Variants in LPP observed in about 807,000 individuals in gnomAD.
The protein encoded by LPP is LIM domain containing preferred translocation partner in lipoma.
A neutral mutation model predicts 60.4 loss-of-function variants in LPP; 38 were observed. That is an observed-to-expected ratio of 0.63 (90% CI 0.49 to 0.83). The LOEUF is 0.83. Ranked by LOEUF, LPP falls within the 40% of genes least tolerant of loss-of-function variation. LPP has a pLI of 0.00. For synonymous variants in LPP, 328 were observed against 290.8 expected, an observed-to-expected ratio of 1.13 and a Z score of -1.30; for missense variants, 902 against 783.6, an observed-to-expected ratio of 1.15 and a Z score of -1.80.
At chr3:188,300,356 T>C (rs1176090240) in intron 2 of LPP, among the ~76,000 whole-genome samples, 1 of 152,132 alleles carries the variant, frequency 6.6e-6, no homozygotes, top group African/African-American at 2.4e-5. Context: ...CATTTTGAGA[T>C]TTTGTGACGA....
intron 2 of LPP, among the ~76,000 whole-genome samples, chr3:188,265,861 G>T (rs1735316697): frequency 7.2e-6 from 1 of 139,802 alleles, no homozygotes; most frequent in Non-Finnish European, 1.5e-5. Context: ...GCTGTGATAG[G>T]ATTACTCTGG....
Position 188,874,645 on chromosome 3 carries a change from C to A in LPP, c.*166C>A. The A allele has an allele frequency of 1.4e-6, 1 of 733,862 alleles. No individual in the cohort carries two copies. The highest frequency in any genetic ancestry group is 2.1e-6 in the Non-Finnish European group (1 of 472,220). The allele number at this position is 733,862 out of a possible 1,614,324, so 45.5% of individuals were successfully genotyped here. On this transcript the variant is annotated 3_prime_UTR_variant, in exon 12 of 12. Transcript: ENST00000617246. ...TGAGATTTTTTTTAAAAGTTGTTAC[C>A]AAATACACATTTCACATTGAATCAT...
At chr3:188,221,978 T>C (rs77052552) in intron 1 of LPP, among the ~76,000 whole-genome samples, 1,807 of 152,300 alleles carry the variant, frequency 0.012, 36 homozygotes, top group African/African-American at 0.041. Flanking sequence ...GCTTTACCAC[T>C]TACTAGCCTA....
chr3:188,484,350 A>G (rs1181319754), intron 4 of LPP, among the ~76,000 whole-genome samples: 1 of 152,176 alleles, frequency 6.6e-6, no homozygotes, highest in African/African-American at 2.4e-5. Context: ...TTTGCTTAAT[A>G]TATTGACCCC....
intron 9 of LPP, among the ~76,000 whole-genome samples, chr3:188,802,516 C>T (rs1479346123): frequency 6.6e-6 from 1 of 152,180 alleles, no homozygotes; most frequent in South Asian, 2.1e-4. Context: ...GGCACGGTGG[C>T]TCACGCCTGT....
At chr3:188,776,669 A>G (rs1737905800) in intron 9 of LPP, among the ~76,000 whole-genome samples, 1 of 152,204 alleles carries the variant, frequency 6.6e-6, no homozygotes, top group Non-Finnish European at 1.5e-5. Flanking sequence ...CTATTCTGAT[A>G]AGGTGAATAC....
chr3:188,354,821 G>GCA (rs760998735), intron 3 of LPP, among the ~76,000 whole-genome samples: 15 of 49,316 alleles, frequency 3.0e-4, no homozygotes, highest in African/African-American at 4.6e-4. Flanking sequence ...GCGCGTGCGC[G>GCA]CACACACACA....
At chr3:188,193,194 C>T (rs1009418780) in intron 1 of LPP, among the ~76,000 whole-genome samples, 1 of 152,122 alleles carries the variant, frequency 6.6e-6, no homozygotes, top group Admixed American at 6.6e-5. Context: ...GTTTGTGTGT[C>T]TTTCATGTTT....
At chr3:188,429,416 C>T (rs894920063) in intron 4 of LPP, among the ~76,000 whole-genome samples, 1 of 152,152 alleles carries the variant, frequency 6.6e-6, no homozygotes, top group Non-Finnish European at 1.5e-5. Flanking sequence ...TAGAAGGACA[C>T]GAGGCTTAAT....
At chr3:188,184,768 C>G (rs1320495104) in intron 1 of LPP, among the ~76,000 whole-genome samples, 1 of 150,246 alleles carries the variant, frequency 6.7e-6, no homozygotes, top group African/African-American at 2.5e-5. Flanking sequence ...ATTGAGGCCA[C>G]TGTGACTGGA....
chr3:188,247,546 G>A (rs541985204), intron 2 of LPP, among the ~76,000 whole-genome samples: 34 of 152,244 alleles, frequency 2.2e-4, no homozygotes, highest in African/African-American at 3.6e-4. Flanking sequence ...GCTCATGCCT[G>A]TAATCCCAGC....
At chr3:188,806,994 C>A (rs938402816) in intron 9 of LPP, among the ~76,000 whole-genome samples, 1 of 151,522 alleles carries the variant, frequency 6.6e-6, no homozygotes, top group East Asian at 1.9e-4. Context: ...TGTATAAATC[C>A]ACCTTTGTGT....
At chr3:188,704,498 T>G (rs1865094822) in intron 7 of LPP, among the ~76,000 whole-genome samples, 1 of 152,172 alleles carries the variant, frequency 6.6e-6, no homozygotes, top group Admixed American at 6.5e-5. Flanking sequence ...TTAATGATAC[T>G]GCCGTATAAT....
At chr3:188,538,896 G>A (rs961426486) in intron 6 of LPP, among the ~76,000 whole-genome samples, 3 of 152,074 alleles carry the variant, frequency 2.0e-5, no homozygotes, top group African/African-American at 7.2e-5. Context: ...ATGAACCTGG[G>A]AAACATTATG....
intron 3 of LPP, among the ~76,000 whole-genome samples, chr3:188,367,658 T>G (rs1056892315): frequency 1.3e-5 from 2 of 152,198 alleles, no homozygotes; most frequent in African/African-American, 4.8e-5. Context: ...ATGGCAGCCT[T>G]TTCTAAAATG....
At chr3:188,751,037 G>C (rs1727908806) in intron 8 of LPP, among the ~76,000 whole-genome samples, 1 of 152,138 alleles carries the variant, frequency 6.6e-6, no homozygotes, top group Admixed American at 6.5e-5. Context: ...AAATATTATT[G>C]AGGGATCAAA....
intron 8 of LPP, among the ~76,000 whole-genome samples, chr3:188,753,040 T>C (rs909730488): frequency 3.9e-5 from 6 of 152,208 alleles, no homozygotes; most frequent in Non-Finnish European, 5.9e-5. Context: ...AATACTGATA[T>C]AGGTCAGAGT....
At chr3:188,581,785 C>A (rs1230714480) in intron 6 of LPP, among the ~76,000 whole-genome samples, 4 of 152,110 alleles carry the variant, frequency 2.6e-5, no homozygotes. Flanking sequence ...ATTCTTCCAG[C>A]ACTCTCTCTC....
intron 1 of LPP, among the ~76,000 whole-genome samples, chr3:188,203,533 A>ATATTTAAATATATATATATT (rs1214081681): frequency 1.1e-5 from 1 of 91,164 alleles, no homozygotes; most frequent in Non-Finnish European, 1.9e-5. Context: ...ATAAATATAT[A>ATATTTAAATATATATATATT]TTTAAATATA....
Sources: allele counts gnomAD v4.1 joint callset (sites outside exome capture counted in the v4.1 genomes callset), GRCh38; gene constraint gnomAD v4.1.1; transcripts MANE v1.5; gene names NCBI Gene and HGNC (gene_info 2026-07-23, HGNC 2026-07-21).